Variants in TMEM50B observed in about 807,000 individuals in gnomAD.
The protein encoded by TMEM50B is HCV p7-trans-regulated protein 3.
In TMEM50B, 14 loss-of-function variants were observed where a neutral mutation model predicts 23.4. The ratio of observed to expected loss-of-function variants is 0.60; its 90% CI spans 0.39 to 0.93. The LOEUF (loss-of-function observed/expected upper bound fraction) is 0.93. Ranked by LOEUF, TMEM50B falls within the 40% of genes least tolerant of loss-of-function variation. The probability of loss-of-function intolerance (pLI) is 0.00; values close to 1 mark genes in which losing one functional copy is unlikely to be tolerated. For missense variants in TMEM50B, 159 were observed against 193.0 expected, an observed-to-expected ratio of 0.82 and a Z score of 1.04; for synonymous variants, 64 against 62.3, an observed-to-expected ratio of 1.03 and a Z score of -0.13.
chr21:33,473,118 C>A (rs1383689373), intron 1 of TMEM50B, among the ~76,000 whole-genome samples: 1 of 151,818 alleles, frequency 6.6e-6, no homozygotes, highest in Non-Finnish European at 1.5e-5. Context: ...ACAAAGGATA[C>A]TAGAAGACAC....
chr21:33,444,489 G>A (rs1188614089), downstream of TMEM50B, among the ~76,000 whole-genome samples: 6 of 151,728 alleles, frequency 4.0e-5, no homozygotes, highest in Non-Finnish European at 8.8e-5. Flanking sequence ...AGGTTGCAGT[G>A]AGCCGAGCTC....
intron 1 of TMEM50B, 37 bp downstream of exon 1, chr21:33,479,801 G>A (rs1205287600): frequency 6.6e-6 from 1 of 152,394 alleles, no homozygotes; most frequent in African/African-American, 2.4e-5. Flanking sequence ...AGCCCTCTAC[G>A]GTTGCCTGGC....
chr21:33,457,340 C>T (rs1021690485), intron 5 of TMEM50B, among the ~76,000 whole-genome samples: 6 of 151,932 alleles, frequency 3.9e-5, no homozygotes, highest in Non-Finnish European at 8.8e-5. Flanking sequence ...TCAATATTTA[C>T]TAGTTCTTTA....
intron 1 of TMEM50B, among the ~76,000 whole-genome samples, chr21:33,470,445 A>AAAAAAAAAAAC (rs2084303589): frequency 6.7e-6 from 1 of 149,060 alleles, no homozygotes; most frequent in Admixed American, 6.7e-5. Flanking sequence ...AAAAAAAAAA[A>AAAAAAAAAAAC]AATCGGCTAG....
chr21:33,448,643 G>C (rs1176802168), downstream of TMEM50B: 2 of 152,028 alleles, frequency 1.3e-5, no homozygotes, highest in Non-Finnish European at 2.9e-5. Flanking sequence ...ACCACGCCCG[G>C]CTAATTTTTT....
intron 1 of TMEM50B, among the ~76,000 whole-genome samples, chr21:33,470,335 G>A (rs1415803225): frequency 1.4e-5 from 2 of 145,336 alleles, no homozygotes; most frequent in African/African-American, 5.1e-5. Flanking sequence ...TGAGGCAGGA[G>A]AATCGCTTGA....
chr21:33,454,603 C>T (rs2084152441), intron 6 of TMEM50B, among the ~76,000 whole-genome samples: 1 of 152,014 alleles, frequency 6.6e-6, no homozygotes, highest in Non-Finnish European at 1.5e-5. Context: ...ACCTGGCTGG[C>T]CACTAGGTAT....
chr21:33,472,158 G>A (rs1043801988), intron 1 of TMEM50B, among the ~76,000 whole-genome samples: 1 of 148,510 alleles, frequency 6.7e-6, no homozygotes, highest in Non-Finnish European at 1.5e-5. Context: ...CCAAGGCGGG[G>A]GGATCACGAG....
chr21:33,460,460 G>T lies in TMEM50B; in HGVS notation c.326C>A (p.Ser109Ter). The T allele has an allele frequency of 6.2e-7, 1 of 1,612,582 alleles. No homozygotes were observed. The highest frequency in any genetic ancestry group is 1.1e-5 in the South Asian group (1 of 90,812). The change falls in exon 5 of 7, where the codon TCA (serine) becomes TAA (stop). Residue 109 changes from serine to a stop codon, truncating the protein, a stop_gained. Coordinates refer to ENST00000542230, the MANE Select transcript of TMEM50B (RefSeq NM_006134.7). LOFTEE classifies it high-confidence loss of function. ...LFIGFMLMFGSLIASMWILFG... is the reference protein window; with the variant it reads ...LFIGFMLMFG ...AAGAATCCACATGGAAGCAATAAGT[G>T]ACCCAAACATCAACATGAAACCAAT...
intron 4 of TMEM50B, chr21:33,465,117 T>G (rs532025941): frequency 2.4e-6 from 1 of 420,176 alleles, no homozygotes; most frequent in East Asian, 3.7e-5. Flanking sequence ...ATAGCAACAT[T>G]TTTTATCTAT....
intron 1 of TMEM50B, among the ~76,000 whole-genome samples, chr21:33,473,345 C>G (rs1259485572): frequency 6.6e-6 from 1 of 151,160 alleles, no homozygotes; most frequent in Non-Finnish European, 1.5e-5. Flanking sequence ...CCCAGCTACT[C>G]AGGAGGCTGA....
intron 8 of TMEM50B, among the ~76,000 whole-genome samples, chr21:33,433,267 GAC>G (rs902426287): frequency 1.4e-4 from 22 of 152,182 alleles, no homozygotes; most frequent in Non-Finnish European, 2.4e-4. Context: ...CAAAGCCGTG[GAC>G]ACAGAGATTT....
At chr21:33,468,098 G>T (rs1450206097) in intron 2 of TMEM50B, among the ~76,000 whole-genome samples, 1 of 148,080 alleles carries the variant, frequency 6.8e-6, no homozygotes, top group East Asian at 1.9e-4. Context: ...GACAGAGAGT[G>T]GTTGATGGAA....
intron 8 of TMEM50B, among the ~76,000 whole-genome samples, chr21:33,438,549 G>C (rs1490340859): frequency 6.6e-6 from 1 of 152,096 alleles, no homozygotes; most frequent in Non-Finnish European, 1.5e-5. Context: ...TGTAATCCCA[G>C]CACTTTGGGA....
chr21:33,475,968 T>C (rs964003859), intron 1 of TMEM50B, among the ~76,000 whole-genome samples: 16 of 151,960 alleles, frequency 1.1e-4, no homozygotes, highest in Admixed American at 3.3e-4. Flanking sequence ...ACCTCTCTTA[T>C]CACTTCTGCC....
chr21:33,474,924 TC>T (rs2084354168), intron 1 of TMEM50B, among the ~76,000 whole-genome samples: 1 of 150,090 alleles, frequency 6.7e-6, no homozygotes, highest in Non-Finnish European at 1.5e-5. Flanking sequence ...AACATTTTGT[TC>T]CCCCACCGCC....
chr21:33,449,290 A>G lies in TMEM50B; in HGVS notation c.*1528T>C, dbSNP rs1396515477. ...CATCAAACAAGATGGTATCTTGACA[A>G]AGGCACAGCGCTCCACAACTGCTTC... On this transcript the variant is annotated 3_prime_UTR_variant, in exon 7 of 7. Coordinates refer to ENST00000542230, the MANE Select transcript of TMEM50B (RefSeq NM_006134.7). The G allele has an allele frequency of 6.6e-6, 1 of 152,336 alleles. No individual in the cohort carries two copies. Among genetic ancestry groups the G allele is most frequent in the Non-Finnish European group, 1.5e-5 (1 of 68,034 alleles). The allele number at this position is 152,336 out of a possible 1,614,324, so 9.4% of individuals were successfully genotyped here.
intron 8 of TMEM50B, among the ~76,000 whole-genome samples, chr21:33,436,526 C>T (rs1390380412): frequency 1.3e-5 from 2 of 151,964 alleles, no homozygotes; most frequent in East Asian, 3.9e-4. Flanking sequence ...AGTTTGAGAC[C>T]AGCGTGGCCA....
Position 33,464,666 on chromosome 21 carries a change from ATGG to A in TMEM50B, c.280+673_280+675del, listed in dbSNP as rs532969392. ...ACTAAAACTTCAAAATTAGCCAAGC[ATGG>A]TGGCGCATGCCTGAAATCCCAGCTC... On this transcript the variant is annotated intron_variant, in intron 4 of 6. Transcript: ENST00000542230. Among the ~76,000 whole-genome samples the A allele has an allele frequency of 2.6e-4, 39 of 150,844 alleles. 1 individual carries two copies. The East Asian group carries it at 7.5e-3, about 29-fold the overall frequency.
Sources: gnomAD v4.1 joint callset for allele counts (sites outside exome capture counted in the v4.1 genomes callset) on GRCh38, gnomAD v4.1.1 for gene constraint, MANE v1.5 for transcripts, NCBI Gene and HGNC (gene_info 2026-07-23, HGNC 2026-07-21) for gene names.